Variants in LOXHD1 observed in about 807,000 individuals in gnomAD.
The protein encoded by LOXHD1 is lipoxygenase homology domain-containing protein 1.
In LOXHD1, 205 loss-of-function variants were observed where a neutral mutation model predicts 248.2. The ratio of observed to expected loss-of-function variants is 0.83; its 90% CI spans 0.74 to 0.93. The LOEUF is 0.93. Ranked by LOEUF, LOXHD1 falls within the 40% of genes least tolerant of loss-of-function variation. LOXHD1 has a pLI of 0.00. For synonymous variants in LOXHD1, 1,113 were observed against 1,162.8 expected, an observed-to-expected ratio of 0.96 and a Z score of 0.87; for missense variants, 2,930 against 2,971.6, an observed-to-expected ratio of 0.99 and a Z score of 0.33.
At chr18:46,521,044 C>T in intron 33 of LOXHD1, 53 bp downstream of exon 33, 2 of 1,527,528 alleles carry the variant, frequency 1.3e-6, no homozygotes. Flanking sequence ...TGCTCCCCAC[C>T]TCAACCTGCA....
chr18:46,536,802 G>A (rs146558800), intron 26 of LOXHD1, among the ~76,000 whole-genome samples: 2,386 of 152,304 alleles, frequency 0.016, 61 homozygotes, highest in Admixed American at 0.051. Flanking sequence ...GGCATCCCCC[G>A]GGATAGAGAC....
At chr18:46,546,335 A>G (rs62097068) in intron 22 of LOXHD1, among the ~76,000 whole-genome samples, 2 of 144,362 alleles carry the variant, frequency 1.4e-5, no homozygotes, top group East Asian at 4.1e-4. Context: ...CTCCATTCCA[A>G]TACATTTCAT....
chr18:46,522,040 A>G (rs2035600210), intron 32 of LOXHD1, 61 bp downstream of exon 32: 2 of 1,305,928 alleles, frequency 1.5e-6, no homozygotes, highest in African/African-American at 2.9e-5. Context: ...CCACCCAGGA[A>G]CTGGTCAGCT....
chr18:46,550,660 A>G (rs1406353667), intron 21 of LOXHD1, among the ~76,000 whole-genome samples: 1 of 151,806 alleles, frequency 6.6e-6, no homozygotes, highest in Non-Finnish European at 1.5e-5. Context: ...ACAGAAGCAT[A>G]TGTTGAGGAA....
At chr18:46,543,013 G>A (rs1228936673) in intron 23 of LOXHD1, among the ~76,000 whole-genome samples, 158 bp from the exon 24 acceptor site, 2 of 152,176 alleles carry the variant, frequency 1.3e-5, no homozygotes, top group Admixed American at 6.5e-5. Context: ...TTTGCACAGT[G>A]GGCATTTTAA....
At chr18:46,584,465 T>A (rs1218049510) in intron 12 of LOXHD1, among the ~76,000 whole-genome samples, 25 of 152,134 alleles carry the variant, frequency 1.6e-4, no homozygotes, top group Admixed American at 1.6e-3. Context: ...TGATACAACA[T>A]AAATTTGTCT....
At chr18:46,492,246 G>T (rs867235396) in intron 37 of LOXHD1, among the ~76,000 whole-genome samples, 1 of 152,208 alleles carries the variant, frequency 6.6e-6, no homozygotes, top group Non-Finnish European at 1.5e-5. Context: ...CTGCATGGTG[G>T]ATATCCTACT....
At chr18:46,586,021 A>G (rs2038052737) in intron 12 of LOXHD1, among the ~76,000 whole-genome samples, 1 of 152,242 alleles carries the variant, frequency 6.6e-6, no homozygotes, top group Non-Finnish European at 1.5e-5. Context: ...ATGCTCTTTA[A>G]CAGTTGAATT....
chr18:46,653,191 G>A lies in LOXHD1; in HGVS notation c.130+3713C>T, dbSNP rs370188754. On this transcript the variant is annotated intron_variant, in intron 1 of 40. Transcript: ENST00000642948. ...GAACCTGGGAGGCAGAGGTTGCAGT[G>A]AGGCGAGATCACGCCACTGCACTCC... Among the ~76,000 whole-genome samples the A allele has an allele frequency of 3.6e-3, 543 of 152,298 alleles. 8 individuals are homozygous for A. The highest frequency in any genetic ancestry group is 0.012 in the African/African-American group (513 of 41,566).
At chr18:46,508,424 G>A (rs2034724966) in intron 35 of LOXHD1, among the ~76,000 whole-genome samples, 1 of 152,116 alleles carries the variant, frequency 6.6e-6, no homozygotes, top group African/African-American at 2.4e-5. Context: ...AGAACGCCAT[G>A]TGAAGACTGG....
At position 46,557,869 on chromosome 18, in the gene LOXHD1, A is replaced by C. The variant is rs896798058; in HGVS notation, c.3217-380T>G. 8.6e-6 allele frequency: 10 copies of C among 1,165,784 alleles called. No individual in the cohort carries two copies. The African/African-American group carries it at 1.4e-4, about 16-fold the overall frequency. 72.2% of individuals were successfully genotyped at this position (1,165,784 alleles called of 1,614,324 possible). A position where few individuals can be genotyped will look rare whatever the true frequency, so the allele number is the denominator to read the frequency against. On this transcript the variant is annotated intron_variant, in intron 20 of 40. Coordinates refer to ENST00000642948, the MANE Select transcript of LOXHD1 (RefSeq NM_001384474.1). Reference sequence around the variant, plus strand: ...CTGCAATGTGTGCAGGTGTGTGCATAATCTGCTTCAATCACATATTTGTAT... The same window carrying C: ...CTGCAATGTGTGCAGGTGTGTGCATCATCTGCTTCAATCACATATTTGTAT...
intron 21 of LOXHD1, among the ~76,000 whole-genome samples, chr18:46,548,849 A>G (rs11082534): frequency 6.6e-6 from 1 of 152,142 alleles, no homozygotes; most frequent in Non-Finnish European, 1.5e-5. Context: ...GAAAATGCAC[A>G]CAGAGTCTGG....
In LOXHD1 at chr18:46,579,637, T is replaced by C. The variant is rs756702284; in HGVS notation, c.1802A>G (p.Lys601Arg). The change falls in exon 13 of 41, where the codon AAG becomes AGG. Residue 601 changes from lysine (K) to arginine (R), a missense_variant. Transcript: ENST00000642948. Reference protein sequence around the residue: ...NCRNNTDLFEKGNADEFTIES... With the variant: ...NCRNNTDLFERGNADEFTIES... The stretch of plus-strand genomic sequence containing the variant: ...CACATTGCTGTAACTTACATTGCCC[T>C]TTTCAAACAGGTCTGTGTTATTCCT... 2.3e-5 allele frequency: 36 copies of C among 1,551,530 alleles called. No homozygotes were observed. The Middle Eastern group carries it at 1.0e-3, about 43-fold the overall frequency.
intron 1 of LOXHD1, among the ~76,000 whole-genome samples, chr18:46,654,028 A>G (rs2039146874): frequency 2.6e-5 from 4 of 152,152 alleles, no homozygotes. Flanking sequence ...CCATTGTGAT[A>G]GTATTAAGGG....
chr18:46,586,739 C>T (rs145073299), intron 12 of LOXHD1, among the ~76,000 whole-genome samples: 413 of 152,278 alleles, frequency 2.7e-3, no homozygotes, highest in Non-Finnish European at 3.7e-3. Context: ...TGAGCCACTG[C>T]GTCCCGCCAT....
At chr18:46,614,718 T>TAATAAATA (rs67053766) in intron 5 of LOXHD1, among the ~76,000 whole-genome samples, 45,007 of 149,652 alleles carry the variant, frequency 0.3, 7,717 homozygotes, top group Non-Finnish European at 0.38. Flanking sequence ...TAAAGTATAA[T>TAATAAATA]AATAAATAAA....
At chr18:46,614,467 G>C (rs927316754) in intron 5 of LOXHD1, among the ~76,000 whole-genome samples, 1 of 152,122 alleles carries the variant, frequency 6.6e-6, no homozygotes, top group Non-Finnish European at 1.5e-5. Flanking sequence ...ACTATCGCAA[G>C]GATAGAAAAC....
At position 46,485,081 on chromosome 18, in the gene LOXHD1, GC is replaced by G; in HGVS notation, c.6119del (p.Gly2040AlafsTer121). Reference sequence around the variant, plus strand: ...GAAACTCTTTGGATCGGTTCTTCCTGCCCTCCAGGATGAGCCAGACGTTCTC... The same window carrying G: ...GAAACTCTTTGGATCGGTTCTTCCTGCCTCCAGGATGAGCCAGACGTTCTC... ...TRENVWLILE[G>X]RKNRSKEFLM... is the part of the protein sequence containing the mutation. On this transcript the variant is annotated frameshift_variant, in exon 39 of 41. Coordinates refer to ENST00000642948, the MANE Select transcript of LOXHD1 (RefSeq NM_001384474.1). LOFTEE classifies it high-confidence loss of function. The G allele has an allele frequency of 6.5e-7, 1 of 1,550,370 alleles. No individual in the cohort carries two copies. The highest frequency in any genetic ancestry group is 1.2e-5 in the South Asian group (1 of 83,896).
chr18:46,619,082 C>G (rs2038631241), intron 4 of LOXHD1, among the ~76,000 whole-genome samples: 1 of 152,156 alleles, frequency 6.6e-6, no homozygotes, highest in South Asian at 2.1e-4. Flanking sequence ...GAGCAAAGGT[C>G]AGGGGTTGGT....
Sources: gnomAD v4.1 joint callset for allele counts (sites outside exome capture counted in the v4.1 genomes callset) on GRCh38, gnomAD v4.1.1 for gene constraint, MANE v1.5 for transcripts, NCBI Gene and HGNC (gene_info 2026-07-23, HGNC 2026-07-21) for gene names.